Variants in SLC6A6 observed in about 807,000 individuals in gnomAD.
SLC6A6 encodes the protein sodium- and chloride-dependent taurine transporter.
A neutral mutation model predicts 68.8 loss-of-function variants in SLC6A6; 16 were observed. The ratio of observed to expected loss-of-function variants is 0.23; its 90% confidence interval spans 0.16 to 0.35. SLC6A6 has a LOEUF of 0.35. Among genes scored for constraint, SLC6A6 ranks in the 10% least tolerant of loss-of-function variants. The pLI is 1.00. For synonymous variants in SLC6A6, 312 were observed against 315.4 expected (o/e 0.99, Z 0.12); for missense variants, 474 against 802.8 (o/e 0.59, Z 4.95).
At chr3:14,445,603 C>A in intron 3 of SLC6A6, 114 bp from the exon 4 acceptor site, 1 of 1,202,364 alleles carries the variant, frequency 8.3e-7, no homozygotes, top group South Asian at 1.3e-5. Context: ...TGGCCTTGAG[C>A]CTCATGCCCC....
At chr3:14,482,669 G>T (rs932124009) in intron 14 of SLC6A6, among the ~76,000 whole-genome samples, 1 of 152,142 alleles carries the variant, frequency 6.6e-6, no homozygotes, top group African/African-American at 2.4e-5. Flanking sequence ...TGGCCTGGAG[G>T]TGGTGCTGGT....
chr3:14,467,986 C>G, intron 8 of SLC6A6, 30 bp downstream of exon 8: 1 of 1,608,756 alleles, frequency 6.2e-7, no homozygotes, highest in Non-Finnish European at 8.5e-7. Flanking sequence ...GCCTGGTGGA[C>G]TTTAGAAATG....
chr3:14,427,690 C>T (rs17039571), intron 2 of SLC6A6, among the ~76,000 whole-genome samples: 3,718 of 152,284 alleles, frequency 0.024, 162 homozygotes, highest in African/African-American at 0.086. Context: ...TAACATTCCT[C>T]TCCTGAAGGT....
intron 1 of SLC6A6, among the ~76,000 whole-genome samples, chr3:14,415,930 C>T (rs537282289): frequency 1.3e-5 from 2 of 152,264 alleles, no homozygotes; most frequent in East Asian, 3.9e-4. Flanking sequence ...GCTGGTGGGG[C>T]GCTCAGGAGT....
chr3:14,435,115 TCC>T (rs2124929927), intron 2 of SLC6A6, among the ~76,000 whole-genome samples: 1 of 152,292 alleles, frequency 6.6e-6, no homozygotes, highest in East Asian at 1.9e-4. Flanking sequence ...GTCTGGCTGG[TCC>T]CCATCCAGAG....
chr3:14,459,779 A>T (rs1163620722), intron 6 of SLC6A6, among the ~76,000 whole-genome samples: 2 of 152,008 alleles, frequency 1.3e-5, no homozygotes, highest in African/African-American at 2.4e-5. Flanking sequence ...TCTGAGCCTC[A>T]GTTTCCTCCT....
rs933438827 is a variant in SLC6A6 at position 14,450,067 on chromosome 3, A to G, written c.599+2251A>G. 6.6e-6 allele frequency among the ~76,000 whole-genome samples: 1 copy of G among 152,052 alleles called. No homozygotes were observed. The highest frequency in any genetic ancestry group is 1.5e-5 in the Non-Finnish European group (1 of 68,012). ...GCCTGGCCAGAATCCATTATTATTT[A>G]TCGAGTGCCCTCATAGTGCATAAAA... is the stretch of plus-strand genomic sequence containing the variant. On this transcript the variant is annotated intron_variant, in intron 5 of 14. Transcript: ENST00000622186. This position sits in a 1 kb window ranked among gnomAD's most constrained non-coding sequence, Gnocchi z 4.1.
intron 2 of SLC6A6, among the ~76,000 whole-genome samples, chr3:14,441,039 A>T (rs1380160629): frequency 2.6e-5 from 4 of 152,050 alleles, no homozygotes; most frequent in African/African-American, 7.2e-5. Flanking sequence ...GAGCAAAGGG[A>T]CTTGGGGAAC....
rs559124993 is a variant in SLC6A6, at chr3:14,407,313, A to T, written c.-54+4466A>T. On this transcript the variant is annotated intron_variant, in intron 1 of 14. Coordinates refer to ENST00000622186, the MANE Select transcript of SLC6A6 (RefSeq NM_003043.6). ...GATCCTCCCACCTTAGATGATTTTT[A>T]AAAAATGTTTTTTAAATTGAGTTAT... is the stretch of plus-strand genomic sequence containing the variant. Among the ~76,000 whole-genome samples the T allele has an allele frequency of 7.2e-5, 11 of 152,192 alleles. No homozygotes were observed. In the South Asian group the frequency reaches 1.2e-3, roughly 17 times the overall value.
intron 1 of SLC6A6, among the ~76,000 whole-genome samples, chr3:14,407,040 TAA>T (rs1283271053): frequency 7.5e-6 from 1 of 134,086 alleles, no homozygotes; most frequent in Non-Finnish European, 1.6e-5. Context: ...TCTGTATTTT[TAA>T]AGTTTTTCTT....
chr3:14,427,582 C>T (rs1475735597), intron 2 of SLC6A6, among the ~76,000 whole-genome samples: 2 of 152,220 alleles, frequency 1.3e-5, no homozygotes, highest in Non-Finnish European at 2.9e-5. Context: ...TGCCCAAGGA[C>T]CTTCAGCCAG....
At chr3:14,407,022 C>G (rs1699125017) in intron 1 of SLC6A6, among the ~76,000 whole-genome samples, 2 of 151,094 alleles carry the variant, frequency 1.3e-5, no homozygotes, top group Non-Finnish European at 2.9e-5. Flanking sequence ...GGGGATGGAG[C>G]CTGGGAATCT....
chr3:14,431,430 A>G lies in SLC6A6; in HGVS notation c.-11-12194A>G, dbSNP rs9877398. On this transcript the variant is annotated intron_variant, in intron 2 of 14. Coordinates refer to ENST00000622186, the MANE Select transcript of SLC6A6 (RefSeq NM_003043.6). ...CTGGGGAGTAACAGACAGCAACAGT[A>G]CAGGCTGGGAACGCAGGGACAGAGC... Among the ~76,000 whole-genome samples the G allele has an allele frequency of 9.0e-3, 1,366 of 152,332 alleles. 16 individuals carry two copies. Among genetic ancestry groups the G allele is most frequent in the African/African-American group, 0.031 (1,288 of 41,570 alleles).
chr3:14,481,509 C>T lies in SLC6A6; in HGVS notation c.1552-162C>T, dbSNP rs185434466. 2.7e-3 allele frequency among the ~76,000 whole-genome samples: 403 copies of T among 150,988 alleles called. 1 individual carries two copies. Among genetic ancestry groups the T allele is most frequent in the African/African-American group, 9.2e-3 (376 of 41,026 alleles). On this transcript the variant is annotated intron_variant, in intron 13 of 14. Transcript: ENST00000622186. This position sits in a 1 kb window ranked among gnomAD's most constrained non-coding sequence, Gnocchi z 4.7. ...ACGACTTACTGTGTTTTTACCGGGG[C>T]GGGGGGGATCCTTATGGCAGCAGAG... is the stretch of plus-strand genomic sequence containing the variant.
chr3:14,482,265 G>T (rs974483377), intron 14 of SLC6A6, among the ~76,000 whole-genome samples: 4 of 152,216 alleles, frequency 2.6e-5, no homozygotes, highest in East Asian at 1.9e-4. Flanking sequence ...TAGGGAGGAA[G>T]CCTGAGCCCC....
intron 6 of SLC6A6, among the ~76,000 whole-genome samples, chr3:14,458,347 G>T (rs1235079183): frequency 1.3e-5 from 2 of 152,312 alleles, no homozygotes; most frequent in East Asian, 3.9e-4. Flanking sequence ...ATATTGAAGA[G>T]CCAGGCTCTC....
chr3:14,489,121 A>G lies in SLC6A6; in HGVS notation c.*4114A>G, dbSNP rs560894501. 15 of 152,716 alleles carry G rather than the reference A, an allele frequency of 9.8e-5. No individual in the cohort carries two copies. The highest frequency in any genetic ancestry group is 7.8e-4 in the Admixed American group (12 of 15,292). The allele number at this position is 152,716 out of a possible 1,614,324, so 9.5% of individuals were successfully genotyped here. A position where few individuals can be genotyped will look rare whatever the true frequency, so the allele number is the denominator to read the frequency against. ...CAACAAGAGACTTTTCTGAGGAGGA[A>G]CATTTGTATTTGAACAAGATCCTTG... On this transcript the variant is annotated 3_prime_UTR_variant, in exon 15 of 15. Transcript: ENST00000622186.
At chr3:14,449,524 G>A (rs1377838229) in intron 5 of SLC6A6, among the ~76,000 whole-genome samples, 1 of 152,226 alleles carries the variant, frequency 6.6e-6, no homozygotes, top group Non-Finnish European at 1.5e-5. Context: ...GCCAGTTACT[G>A]AAGGCGTTTG....
Position 14,472,176 on chromosome 3 carries a change from T to C in SLC6A6, c.1097-29T>C. The C allele has an allele frequency of 2.2e-6, 3 of 1,394,390 alleles. No homozygotes were observed. Among genetic ancestry groups the C allele is most frequent in the Non-Finnish European group, 3.1e-6 (3 of 979,620 alleles). 86.4% of individuals were successfully genotyped at this position (1,394,390 alleles called of 1,614,324 possible). A position where few individuals can be genotyped will look rare whatever the true frequency, so the allele number is the denominator to read the frequency against. On this transcript the variant is annotated intron_variant, in intron 9 of 14. Coordinates refer to ENST00000622186, the MANE Select transcript of SLC6A6 (RefSeq NM_003043.6). This position sits in a 1 kb window ranked among gnomAD's most constrained non-coding sequence, Gnocchi z 4.5. ...TTGGTGGCTGATGTCTCCTCCCCTGTGCCCCTCCCCGTTTTCTTTCCTTTC... is the reference window on the plus strand; with the variant it reads ...TTGGTGGCTGATGTCTCCTCCCCTGCGCCCCTCCCCGTTTTCTTTCCTTTC...
Sources: gnomAD v4.1 joint callset for allele counts (sites outside exome capture counted in the v4.1 genomes callset) on GRCh38, gnomAD v4.1.1 for gene constraint, Gnocchi (gnomAD v3.1) non-coding constraint, MANE v1.5 for transcripts, NCBI Gene and HGNC (gene_info 2026-07-23, HGNC 2026-07-21) for gene names.